Variants in PARD3B observed in about 807,000 individuals in gnomAD.
PARD3B encodes partitioning defective 3 homolog B.
In PARD3B, 103 loss-of-function variants were observed where a neutral mutation model predicts 130.2. The observed-to-expected ratio is 0.79, with a 90% CI of 0.67 to 0.93. The LOEUF (loss-of-function observed/expected upper bound fraction) is 0.93, where lower values mean the gene tolerates loss of function less well. Ranked by LOEUF, PARD3B falls within the 40% of genes least tolerant of loss-of-function variation. PARD3B has a pLI of 0.00. For synonymous variants in PARD3B, 583 were observed against 553.2 expected (o/e 1.05, Z -0.76); for missense variants, 1,609 against 1,499.2 (o/e 1.07, Z -1.21).
At chr2:204,914,041 A>C (rs1453978211) in intron 2 of PARD3B, among the ~76,000 whole-genome samples, 1 of 152,246 alleles carries the variant, frequency 6.6e-6, no homozygotes, top group African/African-American at 2.4e-5. Flanking sequence ...CAGCTAAGTA[A>C]AAAGGGCTCC....
At position 205,606,096 on chromosome 2, in the gene PARD3B, C is replaced by T. The variant is rs559332170; in HGVS notation, c.3261-9360C>T. On this transcript the variant is annotated intron_variant, in intron 22 of 22. Transcript: ENST00000406610. Reference sequence around the variant, plus strand: ...GGTCCAAACCATCTAGTCTCCCTGGCGCCAGCAGGGGAAAAATGGCAGACT... The same window carrying T: ...GGTCCAAACCATCTAGTCTCCCTGGTGCCAGCAGGGGAAAAATGGCAGACT... 1.1e-4 allele frequency among the ~76,000 whole-genome samples: 17 copies of T among 152,218 alleles called. 2 individuals are homozygous for T. The highest frequency in any genetic ancestry group is 9.7e-4 in the East Asian group (5 of 5,152).
chr2:205,447,929 G>A (rs2047963233), intron 20 of PARD3B, among the ~76,000 whole-genome samples: 2 of 152,142 alleles, frequency 1.3e-5, no homozygotes, highest in African/African-American at 2.4e-5. Context: ...GAGCTACCTG[G>A]ACACAGCATC....
chr2:204,697,441 C>CT (rs1444008151), intron 2 of PARD3B, among the ~76,000 whole-genome samples: 1 of 152,102 alleles, frequency 6.6e-6, no homozygotes, highest in East Asian at 1.9e-4. Context: ...TCAAGAAAAT[C>CT]TTTTTCAGCT....
intron 2 of PARD3B, among the ~76,000 whole-genome samples, chr2:204,926,763 T>TTC (rs1463890297): frequency 6.6e-6 from 1 of 152,136 alleles, no homozygotes; most frequent in Non-Finnish European, 1.5e-5. Context: ...TCTAGCAATT[T>TTC]CTAAATATTC....
chr2:205,096,236 T>C lies in PARD3B; in HGVS notation c.505-8190T>C, dbSNP rs116694069. ...GACATTTTATGCTTGGAATGGACCT[T>C]AAAAATCTTCTTATCCCCAATATAA... On this transcript the variant is annotated intron_variant, in intron 4 of 22. Transcript: ENST00000406610. Among the ~76,000 whole-genome samples the C allele has an allele frequency of 3.6e-3, 544 of 152,104 alleles. 4 individuals carry two copies. Among genetic ancestry groups the C allele is most frequent in the African/African-American group, 0.012 (506 of 41,518 alleles).
At chr2:205,198,928 T>C (rs902179428) in intron 15 of PARD3B, among the ~76,000 whole-genome samples, 4 of 152,170 alleles carry the variant, frequency 2.6e-5, no homozygotes, top group African/African-American at 9.6e-5. Flanking sequence ...CCTCTGAATA[T>C]AGTTAAAAGC....
At chr2:205,565,040 T>A (rs2053272959) in intron 22 of PARD3B, among the ~76,000 whole-genome samples, 1 of 152,210 alleles carries the variant, frequency 6.6e-6, no homozygotes, top group African/African-American at 2.4e-5. Flanking sequence ...CAGTACACTC[T>A]GGGACATCAT....
chr2:205,521,125 A>G (rs544065016), intron 21 of PARD3B, among the ~76,000 whole-genome samples: 101 of 151,698 alleles, frequency 6.7e-4, no homozygotes, highest in African/African-American at 2.4e-3. Flanking sequence ...CACTGAACAA[A>G]TACTAATGGT....
intron 21 of PARD3B, among the ~76,000 whole-genome samples, chr2:205,508,330 T>C (rs973946181): frequency 3.9e-5 from 6 of 152,278 alleles, no homozygotes; most frequent in Non-Finnish European, 7.4e-5. Context: ...TTCAGCACTT[T>C]GGGAGGCCGA....
chr2:204,935,281 GCACTTTGGGAGGCCAAGGCGGGCGGAT>G (rs1688338030), intron 2 of PARD3B, among the ~76,000 whole-genome samples: 1 of 150,524 alleles, frequency 6.6e-6, no homozygotes, highest in East Asian at 2.0e-4. Flanking sequence ...TGTAATCCCA[GCACTTTGGGAGGCCAAGGCGGGCGGAT>G]CACAAGGTCA....
intron 4 of PARD3B, among the ~76,000 whole-genome samples, chr2:205,051,253 T>C (rs761033888): frequency 6.6e-6 from 1 of 152,160 alleles, no homozygotes; most frequent in Admixed American, 6.6e-5. Context: ...TATGATTTGA[T>C]AAGTGATGGT....
At chr2:204,657,511 A>C (rs765633933) in intron 1 of PARD3B, among the ~76,000 whole-genome samples, 3 of 151,970 alleles carry the variant, frequency 2.0e-5, no homozygotes, top group Non-Finnish European at 4.4e-5. Context: ...TGTCTAAAAA[A>C]AAAATTTTTT....
In PARD3B at chr2:205,258,194, A is replaced by G. The variant is rs2040168510; in HGVS notation, c.2185+12372A>G. On this transcript the variant is annotated intron_variant, in intron 16 of 22. Coordinates refer to ENST00000406610, the MANE Select transcript of PARD3B (RefSeq NM_001302769.2). This position sits in a 1 kb window ranked among gnomAD's most constrained non-coding sequence, Gnocchi z 4.9. ...ACTTTTTCCTCTCTTAAGCCCTGACATTTACCAGCAGGAAATCAGGTTGAT... is the reference window on the plus strand; with the variant it reads ...ACTTTTTCCTCTCTTAAGCCCTGACGTTTACCAGCAGGAAATCAGGTTGAT... Among the ~76,000 whole-genome samples, 1 of 152,090 alleles carries G rather than the reference A, an allele frequency of 6.6e-6. No individual in the cohort carries two copies. Among genetic ancestry groups the G allele is most frequent in the Non-Finnish European group, 1.5e-5 (1 of 68,022 alleles).
intron 1 of PARD3B, among the ~76,000 whole-genome samples, chr2:204,560,555 G>A (rs2031241706): frequency 1.3e-5 from 2 of 151,762 alleles, no homozygotes; most frequent in African/African-American, 2.4e-5. Context: ...GGAAGTAGGA[G>A]TGGAAGATGG....
intron 2 of PARD3B, among the ~76,000 whole-genome samples, chr2:204,811,497 A>G (rs2042960547): frequency 6.6e-6 from 1 of 152,090 alleles, no homozygotes; most frequent in African/African-American, 2.4e-5. Flanking sequence ...TAGATTTCTG[A>G]GTATATCTGG....
At chr2:205,392,088 G>A (rs181572361) in intron 18 of PARD3B, among the ~76,000 whole-genome samples, 10 of 152,188 alleles carry the variant, frequency 6.6e-5, no homozygotes, top group African/African-American at 1.7e-4. Flanking sequence ...TATTTTTAAC[G>A]TATCTGGTAT....
rs574053587 is a variant in PARD3B at position 204,777,036 on chromosome 2, C to G, written c.222+90754C>G. The stretch of plus-strand genomic sequence containing the variant: ...TGATGTATCCTTGGCAGCAGCTTTG[C>G]TCAGTGAAGATGATAAATAAACCTA... On this transcript the variant is annotated intron_variant, in intron 2 of 22. Transcript: ENST00000406610. Among the ~76,000 whole-genome samples, 3 of 152,244 alleles carry G rather than the reference C, an allele frequency of 2.0e-5. No individual in the cohort carries two copies. In the East Asian group the frequency reaches 5.8e-4, roughly 29 times the overall value.
In PARD3B at chr2:204,668,899, G is replaced by A. The variant is rs187636391; in HGVS notation, c.121-17282G>A. Among the ~76,000 whole-genome samples, 301 of 152,288 alleles carry A rather than the reference G, an allele frequency of 2.0e-3. 3 individuals are homozygous for A. The highest frequency in any genetic ancestry group is 6.6e-3 in the South Asian group (32 of 4,826). ...GGGTCTTTATTTGTGGAAGAGGGAA[G>A]CAGGAGAGAAGGTCAGACTTGACTG... On this transcript the variant is annotated intron_variant, in intron 1 of 22. Transcript: ENST00000406610.
intron 5 of PARD3B, among the ~76,000 whole-genome samples, chr2:205,112,544 G>A (rs989368139): frequency 1.3e-5 from 2 of 152,114 alleles, no homozygotes; most frequent in African/African-American, 4.8e-5. Flanking sequence ...TGTAAATAGG[G>A]AACAATGGAG....
Sources: allele counts gnomAD v4.1 joint callset (sites outside exome capture counted in the v4.1 genomes callset), GRCh38; gene constraint gnomAD v4.1.1; non-coding constraint Gnocchi (gnomAD v3.1); transcripts MANE v1.5; gene names NCBI Gene and HGNC (gene_info 2026-07-23, HGNC 2026-07-21).